The following ARFIP2 variants were observed in gnomAD, a reference collection of about 807,000 sequenced individuals.
ARFIP2 encodes arfaptin-2.
A neutral mutation model predicts 39.2 loss-of-function variants in ARFIP2; 14 were observed. That is an observed-to-expected ratio of 0.36 (90% CI 0.24 to 0.56). The LOEUF (loss-of-function observed/expected upper bound fraction) is 0.56. Ranked by LOEUF, ARFIP2 falls within the 20% of genes least tolerant of loss-of-function variation. The probability of loss-of-function intolerance (pLI) is 0.85; values close to 1 mark genes in which losing one functional copy is unlikely to be tolerated. For synonymous variants in ARFIP2, 167 were observed against 172.4 expected (o/e 0.97, Z 0.24); for missense variants, 305 against 422.5 (o/e 0.72, Z 2.44).
At chr11:6,479,935 T>C (rs1361217150) in intron 3 of ARFIP2, 37 bp downstream of exon 3, 1 of 1,589,766 alleles carries the variant, frequency 6.3e-7, no homozygotes, top group Non-Finnish European at 8.6e-7. Flanking sequence ...TCCTGTCCCC[T>C]CCTCCACCCA....
In ARFIP2 at chr11:6,477,234, T is replaced by C. The variant is rs141798060; in HGVS notation, c.905A>G (p.His302Arg). The change falls in exon 8 of 8, where the codon CAC (histidine) becomes CGC (arginine). Residue 302 changes from histidine to arginine, a missense_variant. His to Arg is a conservative substitution (Grantham distance 29). This residue lies in a region of ARFIP2 where 112 missense variants were observed against 118.2 expected (regional missense o/e 0.95). Coordinates refer to ENST00000396777, the MANE Select transcript of ARFIP2 (RefSeq NM_001376558.2). The surrounding 1 kb of genome is among the most constrained non-coding windows in gnomAD (Gnocchi z 4.8). The stretch of plus-strand genomic sequence containing the variant: ...AGCAAAGTAGGCGGACACAGCATTG[T>C]GGAAGAGCAGCAGCTGCTTGTGCAT... Reference protein sequence around the residue: ...KVMHKQLLLFHNAVSAYFAGN... With the variant: ...KVMHKQLLLFRNAVSAYFAGN... The C allele has an allele frequency of 4.3e-6, 7 of 1,613,678 alleles. No individual in the cohort carries two copies. In the East Asian group the frequency reaches 1.6e-4, roughly 36 times the overall value.
chr11:6,478,541 T>G lies in ARFIP2; in HGVS notation c.537+197A>C. The stretch of plus-strand genomic sequence containing the variant: ...TTTGTGAGGCACCTAGTGTGCCCCC[T>G]CCCCCACCCCCTCCAACTTCTGGAC... On this transcript the variant is annotated intron_variant, in intron 5 of 7. Transcript: ENST00000396777. This position sits in a 1 kb window ranked among gnomAD's most constrained non-coding sequence, Gnocchi z 4.8. 14 of 1,318,738 alleles carry G rather than the reference T, an allele frequency of 1.1e-5. No individual in the cohort carries two copies. The highest frequency in any genetic ancestry group is 1.5e-5 in the African/African-American group (1 of 67,156). The allele number at this position is 1,318,738 out of a possible 1,614,324, so 81.7% of individuals were successfully genotyped here.
Position 6,480,339 on chromosome 11 carries a change from T to C in ARFIP2, c.83A>G (p.Asp28Gly), listed in dbSNP as rs1851594870. Reference protein sequence around the residue: ...GNGEARQLPEDDGLEQDLQQV... With the variant: ...GNGEARQLPEGDGLEQDLQQV... Reference sequence around the variant, plus strand: ...CAGAAGCACCTGCTCCAGCCCATCATCTTCAGGAAGCTGCCTGGCTTCGCC... The same window carrying C: ...CAGAAGCACCTGCTCCAGCCCATCACCTTCAGGAAGCTGCCTGGCTTCGCC... Residue 28 changes from aspartate (D) to glycine (G), a missense_variant, in exon 2 of 8, where the codon GAT becomes GGT. Transcript: ENST00000396777. 6.2e-7 allele frequency: 1 copy of C among 1,613,386 alleles called. No individual in the cohort carries two copies.
chr11:6,478,758 G>C lies in ARFIP2; in HGVS notation c.517C>G (p.Gln173Glu). Residue 173 changes from glutamine (Q) to glutamate (E), a missense_variant, in exon 5 of 8, where the codon CAG becomes GAG. This residue lies in a region of ARFIP2 where 42 missense variants were observed against 101.2 expected (regional missense o/e 0.42). Coordinates refer to ENST00000396777, the MANE Select transcript of ARFIP2 (RefSeq NM_001376558.2). The surrounding 1 kb of genome is among the most constrained non-coding windows in gnomAD (Gnocchi z 4.8). ...GGCACCTGAAGCTCTGGGGACTTCT[G>C]GCTGAGGTCAGCAAAGGCATCACCC... ...ALGDAFADLSQKSPELQEEFG... is the reference protein window; with the variant it reads ...ALGDAFADLSEKSPELQEEFG... 1 of 1,612,082 alleles carries C rather than the reference G, an allele frequency of 6.2e-7. No individual in the cohort carries two copies. Among genetic ancestry groups the C allele is most frequent in the Non-Finnish European group, 8.5e-7 (1 of 1,178,302 alleles).
At chr11:6,479,826 G>A in intron 3 of ARFIP2, 146 bp downstream of exon 3, 1 of 787,700 alleles carries the variant, frequency 1.3e-6, no homozygotes, top group Non-Finnish European at 2.1e-6. Flanking sequence ...TTGCTTTTGG[G>A]CTGAGGAGAG....
At chr11:6,480,737 T>C (rs1430891568) in intron 1 of ARFIP2, 2 of 265,414 alleles carry the variant, frequency 7.5e-6, no homozygotes, top group Admixed American at 9.8e-5. Flanking sequence ...GTGCCTACTA[T>C]GTGTCAGGCA....
rs1380876023 is a variant in ARFIP2, at chr11:6,479,539, C to T, written c.197-281G>A. The T allele has an allele frequency of 2.5e-5, 15 of 601,940 alleles. No individual in the cohort carries two copies. In the South Asian group the frequency reaches 2.9e-4, roughly 12 times the overall value. The allele number at this position is 601,940 out of a possible 1,614,324, so 37.3% of individuals were successfully genotyped here. A position where few individuals can be genotyped will look rare whatever the true frequency, so the allele number is the denominator to read the frequency against. On this transcript the variant is annotated intron_variant, in intron 3 of 7. Transcript: ENST00000396777. ...GAAGAAAATACACTGAGTTTGGGGG[C>T]AGCAGGAGTCAAGGATGGTGGGTCA...
At chr11:6,480,123 T>C (rs1851563905) in intron 2 of ARFIP2, 55 bp from the exon 3 acceptor site, 4 of 1,517,280 alleles carry the variant, frequency 2.6e-6, no homozygotes, top group South Asian at 1.1e-5. Flanking sequence ...CAGAAGCATT[T>C]TGGAGGTGGG....
Sources: gnomAD v4.1 joint callset for allele counts on GRCh38, gnomAD v4.1.1 for gene constraint, gnomAD v4.1.1 regional missense constraint, Gnocchi (gnomAD v3.1) non-coding constraint, MANE v1.5 for transcripts, NCBI Gene and HGNC (gene_info 2026-07-23, HGNC 2026-07-21) for gene names.